Variants in WDFY2 observed in about 807,000 individuals in gnomAD.
WDFY2 encodes the protein WD repeat and FYVE domain containing 2, also known as WD repeat and FYVE domain-containing protein 2.
WDFY2 carries 36 observed loss-of-function variants against 56.4 expected under a neutral mutation model. The observed-to-expected ratio is 0.64, with a 90% CI of 0.49 to 0.84. WDFY2 has a LOEUF of 0.84. Among genes scored for constraint, WDFY2 ranks in the 40% least tolerant of loss-of-function variants. The pLI, the probability that WDFY2 is intolerant of heterozygous loss-of-function variation, is 0.00. For missense variants in WDFY2, 444 were observed against 512.2 expected, an observed-to-expected ratio of 0.87 and a Z score of 1.29; for synonymous variants, 176 against 183.7, an observed-to-expected ratio of 0.96 and a Z score of 0.34.
At chr13:51,689,510 G>A (rs1290057053) in intron 3 of WDFY2, among the ~76,000 whole-genome samples, 2 of 152,134 alleles carry the variant, frequency 1.3e-5, no homozygotes, top group Non-Finnish European at 2.9e-5. Context: ...TAGTTTTCTT[G>A]TTTCCGACGC....
intron 1 of WDFY2, among the ~76,000 whole-genome samples, chr13:51,653,865 G>C (rs1441262486): frequency 1.3e-5 from 2 of 152,210 alleles, no homozygotes; most frequent in African/African-American, 4.8e-5. Flanking sequence ...GGACCCACTT[G>C]AGGAGGCAGT....
Position 51,762,884 on chromosome 13 carries a change from T to C in WDFY2, c.*3115T>C, listed in dbSNP as rs1953631738. On this transcript the variant is annotated 3_prime_UTR_variant, in exon 12 of 12. Transcript: ENST00000298125. ...GGCAAAACCAACCACATGTTCTTGGTTCCTCCAAACGAATGACATTACTTG... is the reference window on the plus strand; with the variant it reads ...GGCAAAACCAACCACATGTTCTTGGCTCCTCCAAACGAATGACATTACTTG... The C allele has an allele frequency of 6.6e-6, 1 of 152,242 alleles. No homozygotes were observed. The highest frequency in any genetic ancestry group is 2.4e-5 in the African/African-American group (1 of 41,472). 9.4% of individuals were successfully genotyped at this position (152,242 alleles called of 1,614,324 possible). A position where few individuals can be genotyped will look rare whatever the true frequency, so the allele number is the denominator to read the frequency against.
chr13:51,719,876 A>C (rs1952448886), intron 5 of WDFY2, among the ~76,000 whole-genome samples: 1 of 152,126 alleles, frequency 6.6e-6, no homozygotes. Context: ...CAGGAATGAG[A>C]CACTTTCAGA....
At chr13:51,680,653 TG>T (rs2138515673) in intron 3 of WDFY2, among the ~76,000 whole-genome samples, 1 of 152,366 alleles carries the variant, frequency 6.6e-6, no homozygotes, top group African/African-American at 2.4e-5. Context: ...TGAGACATGA[TG>T]TCTTCAGGAA....
chr13:51,717,546 G>GC (rs1227987928), intron 4 of WDFY2, among the ~76,000 whole-genome samples: 2 of 151,890 alleles, frequency 1.3e-5, no homozygotes, highest in Non-Finnish European at 2.9e-5. Context: ...AAGGCTAAAG[G>GC]CCCCCTCAGT....
At chr13:51,727,631 T>G in intron 5 of WDFY2, 47 bp from the exon 6 acceptor site, 1 of 1,565,886 alleles carries the variant, frequency 6.4e-7, no homozygotes, top group Non-Finnish European at 8.8e-7. Flanking sequence ...TCATTGTAAA[T>G]TCCCTCATTT....
At chr13:51,593,592 G>T (rs1465202074) in intron 1 of WDFY2, among the ~76,000 whole-genome samples, 1 of 152,036 alleles carries the variant, frequency 6.6e-6, no homozygotes, top group Non-Finnish European at 1.5e-5. Context: ...TTCATAATTT[G>T]CTTGATAAAT....
rs764643060 is a variant in WDFY2 at position 51,751,287 on chromosome 13, A to G, written c.726-23A>G. The G allele has an allele frequency of 5.6e-6, 9 of 1,608,972 alleles. No homozygotes were observed. The African/African-American group carries it at 9.4e-5, about 17-fold the overall frequency. On this transcript the variant is annotated intron_variant, in intron 7 of 11. Transcript: ENST00000298125. ...TTGCATTTGTTCTCCTAAACTGTCA[A>G]TAACCCTTGGTTTCTTTCACAGCGA...
At chr13:51,688,155 A>T (rs1424124066) in intron 3 of WDFY2, among the ~76,000 whole-genome samples, 2 of 152,188 alleles carry the variant, frequency 1.3e-5, no homozygotes, top group Non-Finnish European at 2.9e-5. Context: ...TGCTGTCTGC[A>T]GCCAGTGTCT....
chr13:51,669,746 G>A (rs1955774465), intron 2 of WDFY2, among the ~76,000 whole-genome samples: 1 of 152,206 alleles, frequency 6.6e-6, no homozygotes, highest in African/African-American at 2.4e-5. Flanking sequence ...TATTGGGTTA[G>A]TAAAGAAGTC....
chr13:51,668,582 G>T (rs1010306863), intron 2 of WDFY2, among the ~76,000 whole-genome samples: 1 of 152,216 alleles, frequency 6.6e-6, no homozygotes, highest in Non-Finnish European at 1.5e-5. Context: ...AGGGCTGAAT[G>T]AAATAGTGTC....
At position 51,763,418 on chromosome 13, in the gene WDFY2, A is replaced by G. The variant is rs1953650523; in HGVS notation, c.*3649A>G. On this transcript the variant is annotated 3_prime_UTR_variant, in exon 12 of 12. Transcript: ENST00000298125. ...AAATGGAAATCCAGTGGCACTTAAA[A>G]TTCACCCTGCCCCGTTTGGCTGCGA... 1 of 152,192 alleles carries G rather than the reference A, an allele frequency of 6.6e-6. No individual in the cohort carries two copies. The highest frequency in any genetic ancestry group is 1.5e-5 in the Non-Finnish European group (1 of 68,030). 9.4% of individuals were successfully genotyped at this position (152,192 alleles called of 1,614,324 possible).
intron 7 of WDFY2, among the ~76,000 whole-genome samples, chr13:51,744,743 A>G (rs1953055001): frequency 1.3e-5 from 2 of 152,220 alleles, no homozygotes; most frequent in Non-Finnish European, 2.9e-5. Context: ...ACACTCATCC[A>G]TGAAATAATG....
chr13:51,765,371 A>G lies in WDFY2; in HGVS notation c.*5602A>G, dbSNP rs1953715287. 6.6e-6 allele frequency: 1 copy of G among 152,206 alleles called. No homozygotes were observed. The highest frequency in any genetic ancestry group is 1.5e-5 in the Non-Finnish European group (1 of 68,044). The allele number at this position is 152,206 out of a possible 1,614,324, so 9.4% of individuals were successfully genotyped here. A position where few individuals can be genotyped will look rare whatever the true frequency, so the allele number is the denominator to read the frequency against. On this transcript the variant is annotated 3_prime_UTR_variant, in exon 12 of 12. Transcript: ENST00000298125. ...CAAGAAGCCTACTTAGGTTTAACAC[A>G]TGAAAGCAGTGTCTAAAAATTAGAT...
At chr13:51,634,482 C>T (rs1447736551) in intron 1 of WDFY2, among the ~76,000 whole-genome samples, 1 of 152,186 alleles carries the variant, frequency 6.6e-6, no homozygotes, top group African/African-American at 2.4e-5. Flanking sequence ...GTCAATTAAG[C>T]TTTTGTAAAT....
chr13:51,629,659 G>A (rs1954912377), intron 1 of WDFY2, among the ~76,000 whole-genome samples: 1 of 152,064 alleles, frequency 6.6e-6, no homozygotes, highest in African/African-American at 2.4e-5. Flanking sequence ...GTGTGTCATG[G>A]AGAATTTAAA....
chr13:51,639,142 A>G (rs1447125808), intron 1 of WDFY2, among the ~76,000 whole-genome samples: 2 of 152,216 alleles, frequency 1.3e-5, no homozygotes, highest in African/African-American at 4.8e-5. Flanking sequence ...CCAAAAATAT[A>G]AAGAAATTTT....
intron 1 of WDFY2, chr13:51,586,104 G>GT: frequency 2.5e-6 from 1 of 398,562 alleles, no homozygotes; most frequent in East Asian, 3.6e-5. Context: ...CTGAAATGGA[G>GT]TACATGGATG....
intron 1 of WDFY2, among the ~76,000 whole-genome samples, chr13:51,635,746 CGTA>C: frequency 6.6e-6 from 1 of 152,258 alleles, no homozygotes; most frequent in South Asian, 2.1e-4. Flanking sequence ...CTCTCTTACT[CGTA>C]GTACTTTTGT....
Sources: gnomAD v4.1 joint callset for allele counts (sites outside exome capture counted in the v4.1 genomes callset) on GRCh38, gnomAD v4.1.1 for gene constraint, MANE v1.5 for transcripts, NCBI Gene and HGNC (gene_info 2026-07-23, HGNC 2026-07-21) for gene names.